The following PTPRK variants were observed in gnomAD, a reference collection of about 807,000 sequenced individuals.
PTPRK encodes protein tyrosine phosphatase receptor type K.
In PTPRK, 75 loss-of-function variants were observed where a neutral mutation model predicts 178.0. That is an observed-to-expected ratio of 0.42 (90% CI 0.35 to 0.51). PTPRK has a LOEUF of 0.51. Among genes scored for constraint, PTPRK ranks in the 20% least tolerant of loss-of-function variants. PTPRK has a pLI of 0.02. For missense variants in PTPRK, 1,441 were observed against 1,797.8 expected, an observed-to-expected ratio of 0.80 and a Z score of 3.59; for synonymous variants, 637 against 620.6, an observed-to-expected ratio of 1.03 and a Z score of -0.39.
At chr6:128,292,662 C>A (rs1011656441) in intron 3 of PTPRK, among the ~76,000 whole-genome samples, 8 of 152,014 alleles carry the variant, frequency 5.3e-5, no homozygotes, top group Non-Finnish European at 1.0e-4. Flanking sequence ...AAATAGGATG[C>A]AGTTCATAGG....
At chr6:128,508,947 C>CAA (rs11418015) in intron 1 of PTPRK, among the ~76,000 whole-genome samples, 1,692 of 132,834 alleles carry the variant, frequency 0.013, 31 homozygotes, top group African/African-American at 0.042. Flanking sequence ...AACTCCATCT[C>CAA]AAAAAAAAAA....
At chr6:128,208,894 C>T (rs1807532407) in intron 6 of PTPRK, among the ~76,000 whole-genome samples, 1 of 152,098 alleles carries the variant, frequency 6.6e-6, no homozygotes, top group South Asian at 2.1e-4. Flanking sequence ...AACTTAACAT[C>T]TATGCTCTCA....
chr6:128,006,181 G>GT (rs915055881), intron 14 of PTPRK: 135 of 687,480 alleles, frequency 2.0e-4, no homozygotes, highest in Middle Eastern at 3.0e-4. Context: ...TAAAATTCAT[G>GT]TTTTTTTTGC....
intron 7 of PTPRK, among the ~76,000 whole-genome samples, chr6:128,136,053 T>C (rs1794972176): frequency 6.6e-6 from 1 of 152,144 alleles, no homozygotes; most frequent in Non-Finnish European, 1.5e-5. Context: ...TGGGGTCCTA[T>C]TCCAGTATCT....
chr6:128,145,631 AAC>A (rs1337411040), intron 7 of PTPRK, among the ~76,000 whole-genome samples: 8 of 152,152 alleles, frequency 5.3e-5, no homozygotes, highest in Non-Finnish European at 8.8e-5. Flanking sequence ...ATTTAAAAAC[AAC>A]AGTGCCAAGT....
chr6:128,362,890 G>A (rs1834965538), intron 2 of PTPRK, among the ~76,000 whole-genome samples: 1 of 152,122 alleles, frequency 6.6e-6, no homozygotes, highest in South Asian at 2.1e-4. Flanking sequence ...CCAAAAGAGA[G>A]ATGTCTATGT....
At chr6:128,206,789 T>C (rs1305650389) in intron 6 of PTPRK, among the ~76,000 whole-genome samples, 3 of 152,090 alleles carry the variant, frequency 2.0e-5, no homozygotes, top group Admixed American at 2.0e-4. Context: ...AGAATCCAAT[T>C]ATCTATTTCA....
chr6:128,276,331 T>C (rs1820725010), intron 3 of PTPRK, among the ~76,000 whole-genome samples: 1 of 152,114 alleles, frequency 6.6e-6, no homozygotes, highest in Admixed American at 6.6e-5. Context: ...AAAATCATTC[T>C]TTTCTCATTA....
chr6:128,343,842 C>T (rs960370826), intron 2 of PTPRK, among the ~76,000 whole-genome samples: 4 of 152,152 alleles, frequency 2.6e-5, no homozygotes, highest in African/African-American at 4.8e-5. Flanking sequence ...GAAATAAACA[C>T]GACAGATCTT....
At chr6:128,199,765 T>C (rs1158246408) in intron 6 of PTPRK, among the ~76,000 whole-genome samples, 1 of 152,208 alleles carries the variant, frequency 6.6e-6, no homozygotes, top group African/African-American at 2.4e-5. Context: ...TCCTTCAAAA[T>C]TTCTCTTGAA....
At chr6:128,483,486 G>A (rs1202498081) in intron 1 of PTPRK, among the ~76,000 whole-genome samples, 1 of 151,824 alleles carries the variant, frequency 6.6e-6, no homozygotes, top group Non-Finnish European at 1.5e-5. Flanking sequence ...TTCTCCCTCT[G>A]ATATTATAAA....
intron 2 of PTPRK, among the ~76,000 whole-genome samples, chr6:128,330,379 AC>A (rs1830109896): frequency 6.6e-6 from 1 of 151,744 alleles, no homozygotes; most frequent in Non-Finnish European, 1.5e-5. Context: ...TTCTCCTACC[AC>A]TATTTTTTTC....
chr6:128,286,208 T>G (rs990912901), intron 3 of PTPRK, among the ~76,000 whole-genome samples: 1 of 152,176 alleles, frequency 6.6e-6, no homozygotes, highest in African/African-American at 2.4e-5. Context: ...CGTCATGGTG[T>G]TGTTTTCTTT....
chr6:128,409,862 C>T (rs1842101875), intron 1 of PTPRK, among the ~76,000 whole-genome samples: 1 of 152,112 alleles, frequency 6.6e-6, no homozygotes, highest in Admixed American at 6.5e-5. Flanking sequence ...TGAGGCCTCC[C>T]CAGCCATGTG....
chr6:128,509,769 A>G (rs1161464986), intron 1 of PTPRK, among the ~76,000 whole-genome samples: 9 of 152,130 alleles, frequency 5.9e-5, no homozygotes, highest in Non-Finnish European at 4.4e-5. Context: ...AGACTGGAAC[A>G]TAAGTCCTCC....
intron 13 of PTPRK, among the ~76,000 whole-genome samples, chr6:128,022,980 C>T (rs1048873243): frequency 4.6e-5 from 7 of 152,130 alleles, no homozygotes; most frequent in African/African-American, 1.2e-4. Context: ...TGCTCAGATA[C>T]GGAGATTAAA....
rs140264460 is a variant in PTPRK at position 127,988,424 on chromosome 6, C to T, written c.3096+2345G>A. ...ACTCGGATGATTCTCTTGCCTCAGC[C>T]TTCCAAGTACATTATGCTAACTTTT... On this transcript the variant is annotated intron_variant, in intron 21 of 29. Transcript: ENST00000368226. Among the ~76,000 whole-genome samples the T allele has an allele frequency of 8.2e-4, 124 of 151,668 alleles. 2 individuals are homozygous for T. The highest frequency in any genetic ancestry group is 2.9e-3 in the African/African-American group (122 of 41,358).
At chr6:127,993,315 AAAG>A in intron 18 of PTPRK, among the ~76,000 whole-genome samples, 1 of 151,430 alleles carries the variant, frequency 6.6e-6, no homozygotes, top group Non-Finnish European at 1.5e-5. Flanking sequence ...ATATATAGGG[AAAG>A]AAGAATTTTT....
At chr6:128,363,101 C>T (rs1834992765) in intron 2 of PTPRK, among the ~76,000 whole-genome samples, 1 of 152,142 alleles carries the variant, frequency 6.6e-6, no homozygotes, top group South Asian at 2.1e-4. Context: ...AGGAAACCCT[C>T]TTCTGCAACA....
Sources: gnomAD v4.1 joint callset for allele counts (sites outside exome capture counted in the v4.1 genomes callset) on GRCh38, gnomAD v4.1.1 for gene constraint, MANE v1.5 for transcripts, NCBI Gene and HGNC (gene_info 2026-07-23, HGNC 2026-07-21) for gene names.